Variants in PEBP4 observed in about 807,000 individuals in gnomAD.
The protein encoded by PEBP4 is phosphatidylethanolamine-binding protein 4.
In PEBP4, 22 loss-of-function variants were observed where a neutral mutation model predicts 23.9. The ratio of observed to expected loss-of-function variants is 0.92; its 90% CI spans 0.66 to 1.31. The LOEUF (loss-of-function observed/expected upper bound fraction) is 1.31. PEBP4 is among the 40% of genes most tolerant of loss of function. The pLI, the probability that PEBP4 is intolerant of heterozygous loss-of-function variation, is 0.00. For synonymous variants in PEBP4, 112 were observed against 99.3 expected (o/e 1.13, Z -0.76); for missense variants, 324 against 281.7 (o/e 1.15, Z -1.07).
chr8:22,833,195 C>G (rs1210409118), intron 3 of PEBP4, among the ~76,000 whole-genome samples: 1 of 152,186 alleles, frequency 6.6e-6, no homozygotes, highest in Non-Finnish European at 1.5e-5. Context: ...TCATGTCCCT[C>G]TGTGTGTCTT....
In PEBP4 at chr8:22,726,947, C is replaced by G. The variant is rs1804632098; in HGVS notation, c.403+228G>C. Among the ~76,000 whole-genome samples the G allele has an allele frequency of 2.6e-5, 4 of 152,336 alleles. No individual in the cohort carries two copies. The South Asian group carries it at 6.2e-4, about 24-fold the overall frequency. On this transcript the variant is annotated intron_variant, in intron 5 of 6. Coordinates refer to ENST00000256404, the MANE Select transcript of PEBP4 (RefSeq NM_144962.3). ...ACTGTGAAGCTGGCTGCATTCTTTA[C>G]TAGCCATTCACATGGCGCAGGATGG...
At chr8:22,790,123 G>C (rs1489226022) in intron 4 of PEBP4, among the ~76,000 whole-genome samples, 1 of 152,236 alleles carries the variant, frequency 6.6e-6, no homozygotes, top group Non-Finnish European at 1.5e-5. Context: ...CACCAGAGCT[G>C]TGGTCTTTAT....
Position 22,865,448 on chromosome 8 carries a change from G to T in PEBP4, c.259-47713C>A, listed in dbSNP as rs1039715269. On this transcript the variant is annotated intron_variant, in intron 3 of 6. Coordinates refer to ENST00000256404, the MANE Select transcript of PEBP4 (RefSeq NM_144962.3). This position sits in a 1 kb window ranked among gnomAD's most constrained non-coding sequence, Gnocchi z 6.9. ...GCCTCCAGGGCGTTGGGCGGGGGCC[G>T]CACTTTCCCCGCCGCGAGGTGGAGC... 3.9e-5 allele frequency among the ~76,000 whole-genome samples: 6 copies of T among 151,966 alleles called. No homozygotes were observed. Among genetic ancestry groups the T allele is most frequent in the South Asian group, 2.1e-4 (1 of 4,806 alleles).
intron 4 of PEBP4, among the ~76,000 whole-genome samples, chr8:22,754,000 A>G (rs1050331300): frequency 2.0e-5 from 3 of 152,144 alleles, no homozygotes; most frequent in African/African-American, 7.2e-5. Flanking sequence ...AGAAGATGGG[A>G]AAGTCTGACT....
In PEBP4 at chr8:22,754,546, C is replaced by A. The variant is rs575880049; in HGVS notation, c.358-27326G>T. On this transcript the variant is annotated intron_variant, in intron 4 of 6. Transcript: ENST00000256404. ...TCTCATCAGAAATTTGCCAGCAGGC[C>A]TGGAAGTGAGAGAGCCTTTTGCTCT... Among the ~76,000 whole-genome samples the A allele has an allele frequency of 2.6e-4, 40 of 152,308 alleles. No individual in the cohort carries two copies. In the South Asian group the frequency reaches 8.1e-3, roughly 31 times the overall value.
chr8:22,906,238 G>T (rs1158332071), intron 3 of PEBP4, among the ~76,000 whole-genome samples: 3 of 152,122 alleles, frequency 2.0e-5, no homozygotes, highest in African/African-American at 7.2e-5. Context: ...CCAGGCAGAG[G>T]ACACTGCAGG....
At position 22,822,510 on chromosome 8, in the gene PEBP4, C is replaced by T. The variant is rs142491984; in HGVS notation, c.259-4775G>A. Among the ~76,000 whole-genome samples, 521 of 152,114 alleles carry T rather than the reference C, an allele frequency of 3.4e-3. 5 individuals are homozygous for T. Among genetic ancestry groups the T allele is most frequent in the African/African-American group, 0.012 (508 of 41,526 alleles). ...AGAAATGAAGAAATAAAGCCATATG[C>T]CCTCTCTCTTTTCCTTTCTTCTTCT... On this transcript the variant is annotated intron_variant, in intron 3 of 6. Transcript: ENST00000256404.
At chr8:22,776,253 T>C (rs940202060) in intron 4 of PEBP4, among the ~76,000 whole-genome samples, 3 of 152,234 alleles carry the variant, frequency 2.0e-5, no homozygotes, top group East Asian at 1.9e-4. Flanking sequence ...CCAGAAGCCA[T>C]TGCAAACCCT....
intron 3 of PEBP4, among the ~76,000 whole-genome samples, chr8:22,862,935 G>T (rs1235941501): frequency 1.3e-5 from 2 of 151,872 alleles, no homozygotes; most frequent in Non-Finnish European, 2.9e-5. Flanking sequence ...TGAGTAGCTG[G>T]GACTACAAGC....
chr8:22,725,090 T>C, intron 5 of PEBP4, 134 bp from the exon 6 acceptor site: 1 of 633,336 alleles, frequency 1.6e-6, no homozygotes, highest in Non-Finnish European at 2.9e-6. Flanking sequence ...ACATTAGGAT[T>C]TGTATTTGGC....
At chr8:22,725,554 C>T (rs1429629920) in intron 5 of PEBP4, among the ~76,000 whole-genome samples, 2 of 150,478 alleles carry the variant, frequency 1.3e-5, no homozygotes, top group Admixed American at 6.6e-5. Flanking sequence ...GGAGGCTGAG[C>T]TCTTTTTTTG....
chr8:22,937,494 A>C (rs1404473977), intron 1 of PEBP4, among the ~76,000 whole-genome samples: 1 of 152,206 alleles, frequency 6.6e-6, no homozygotes, highest in Non-Finnish European at 1.5e-5. Flanking sequence ...AATATTGTTA[A>C]AATGACAAAG....
At chr8:22,773,633 C>T (rs1805759634) in intron 4 of PEBP4, among the ~76,000 whole-genome samples, 1 of 152,168 alleles carries the variant, frequency 6.6e-6, no homozygotes, top group African/African-American at 2.4e-5. Flanking sequence ...TTCCTGGCCC[C>T]TGAGAGGGTG....
chr8:22,809,493 G>T (rs947361674), intron 4 of PEBP4, among the ~76,000 whole-genome samples: 1 of 152,102 alleles, frequency 6.6e-6, no homozygotes, highest in Non-Finnish European at 1.5e-5. Context: ...TGTGGAACCC[G>T]TTTAGACTCT....
intron 3 of PEBP4, among the ~76,000 whole-genome samples, chr8:22,836,763 T>TAAATAGA (rs1307024418): frequency 6.6e-6 from 1 of 152,184 alleles, no homozygotes; most frequent in African/African-American, 2.4e-5. Context: ...GAAACGTATG[T>TAAATAGA]AAATTTCAAA....
chr8:22,760,239 A>T (rs1805479426), intron 4 of PEBP4, among the ~76,000 whole-genome samples: 4 of 152,182 alleles, frequency 2.6e-5, no homozygotes, highest in Admixed American at 2.6e-4. Flanking sequence ...CACCTGCCCA[A>T]GGTCACCTAG....
intron 4 of PEBP4, among the ~76,000 whole-genome samples, chr8:22,752,176 T>C (rs1805283325): frequency 6.6e-6 from 1 of 152,192 alleles, no homozygotes; most frequent in Non-Finnish European, 1.5e-5. Context: ...CCCAAAGTGC[T>C]GGGATCACAG....
At chr8:22,931,597 T>C (rs974904854), upstream of PEBP4, among the ~76,000 whole-genome samples, 1 of 152,164 alleles carries the variant, frequency 6.6e-6, no homozygotes, top group Non-Finnish European at 1.5e-5. Context: ...GTTTTTGTTT[T>C]TGTTTTTAGG....
chr8:22,835,339 G>A (rs966064701), intron 3 of PEBP4, among the ~76,000 whole-genome samples: 6 of 152,152 alleles, frequency 3.9e-5, no homozygotes, highest in Admixed American at 6.5e-5. Flanking sequence ...TTTTTCCACC[G>A]GCCCCTGGAG....
Sources: gnomAD v4.1 joint callset for allele counts (sites outside exome capture counted in the v4.1 genomes callset) on GRCh38, gnomAD v4.1.1 for gene constraint, Gnocchi (gnomAD v3.1) non-coding constraint, MANE v1.5 for transcripts, NCBI Gene and HGNC (gene_info 2026-07-23, HGNC 2026-07-21) for gene names.